The following SIL1 variants were observed in gnomAD, a reference collection of about 807,000 sequenced individuals.
The protein encoded by SIL1 is SIL1 nucleotide exchange factor, also known as nucleotide exchange factor SIL1.
In SIL1, 40 loss-of-function variants were observed where a neutral mutation model predicts 49.1. That is an observed-to-expected ratio of 0.81 (90% CI 0.63 to 1.06). SIL1 has a LOEUF of 1.06. Ranked by LOEUF, SIL1 falls within the 50% of genes least tolerant of loss-of-function variation. SIL1 has a pLI of 0.00. For synonymous variants in SIL1, 253 were observed against 250.8 expected, an observed-to-expected ratio of 1.01 and a Z score of -0.08; for missense variants, 500 against 572.6, an observed-to-expected ratio of 0.87 and a Z score of 1.29.
chr5:138,993,082 G>A (rs1767791362), intron 7 of SIL1, among the ~76,000 whole-genome samples: 2 of 152,094 alleles, frequency 1.3e-5, no homozygotes, highest in African/African-American at 2.4e-5. Context: ...TATATTTCTC[G>A]GCCTCCTTTG....
intron 7 of SIL1, chr5:139,016,858 T>TC (rs1163663274): frequency 6.6e-6 from 1 of 152,154 alleles, no homozygotes; most frequent in Non-Finnish European, 1.5e-5. Context: ...TCTTTTTTTT[T>TC]TCCCCCCTGA....
At chr5:139,173,875 C>T (rs887159445) in intron 1 of SIL1, among the ~76,000 whole-genome samples, 3 of 149,644 alleles carry the variant, frequency 2.0e-5, no homozygotes, top group Non-Finnish European at 3.0e-5. Context: ...AGGAGAATGA[C>T]GTGAACCCAG....
At chr5:139,006,611 T>A (rs1391412322) in intron 7 of SIL1, among the ~76,000 whole-genome samples, 1 of 152,096 alleles carries the variant, frequency 6.6e-6, no homozygotes, top group Non-Finnish European at 1.5e-5. Context: ...TCTTTTTTTT[T>A]AATCCATCTT....
chr5:139,096,087 C>A (rs759950199), intron 3 of SIL1, among the ~76,000 whole-genome samples: 2 of 152,144 alleles, frequency 1.3e-5, no homozygotes, highest in East Asian at 1.9e-4. Context: ...GCCCACCCCC[C>A]CAACAGTGGC....
At chr5:139,104,058 G>C (rs1458364443) in intron 3 of SIL1, among the ~76,000 whole-genome samples, 2 of 152,196 alleles carry the variant, frequency 1.3e-5, no homozygotes, top group Non-Finnish European at 2.9e-5. Flanking sequence ...CTATTGGCTA[G>C]GTTAAAAAGA....
chr5:139,189,581 G>A (rs1478033441), intron 1 of SIL1, among the ~76,000 whole-genome samples: 2 of 152,182 alleles, frequency 1.3e-5, no homozygotes. Context: ...CAGCATTTTG[G>A]GAGGTCCAGG....
At chr5:139,133,644 G>C (rs945418531) in intron 1 of SIL1, among the ~76,000 whole-genome samples, 9 of 152,238 alleles carry the variant, frequency 5.9e-5, no homozygotes, top group Admixed American at 6.5e-5. Context: ...TTCAGGACCA[G>C]AGCACAGAAA....
intron 7 of SIL1, among the ~76,000 whole-genome samples, chr5:138,973,151 ATGTAACAAACC>A (rs1349483800): frequency 1.3e-5 from 2 of 149,190 alleles, no homozygotes; most frequent in Non-Finnish European, 3.0e-5. Context: ...TGTGTAACAT[ATGTAACAAACC>A]TGCGCGTTGT....
Position 139,143,614 on chromosome 5 carries a change from C to T in SIL1, c.-10-15761G>A, listed in dbSNP as rs374142405. On this transcript the variant is annotated intron_variant, in intron 1 of 9. Transcript: ENST00000394817. ...CTCGAACTCCTGACCTCAGGCAATC[C>T]GCCCACCTTAGCCTCCCAAAGCTCT... is the stretch of plus-strand genomic sequence containing the variant. Among the ~76,000 whole-genome samples, 14 of 152,086 alleles carry T rather than the reference C, an allele frequency of 9.2e-5. No homozygotes were observed. In the East Asian group the frequency reaches 2.1e-3, roughly 23 times the overall value.
chr5:139,018,470 G>C (rs532342339), intron 7 of SIL1, among the ~76,000 whole-genome samples: 18 of 151,496 alleles, frequency 1.2e-4, no homozygotes, highest in Non-Finnish European at 2.2e-4. Flanking sequence ...CGTACCTGTA[G>C]TCCCAGCTAC....
intron 3 of SIL1, among the ~76,000 whole-genome samples, chr5:139,080,578 C>T (rs1249098618): frequency 6.6e-6 from 1 of 152,202 alleles, no homozygotes; most frequent in Non-Finnish European, 1.5e-5. Flanking sequence ...CTTGTATGTC[C>T]TCAAATTTTG....
chr5:139,147,146 C>T (rs898038274), intron 1 of SIL1, among the ~76,000 whole-genome samples: 4 of 152,186 alleles, frequency 2.6e-5, no homozygotes, highest in African/African-American at 7.2e-5. Flanking sequence ...CTTGCCCTGG[C>T]AGGAGTATAG....
At chr5:139,188,990 C>A (rs998277716) in intron 1 of SIL1, among the ~76,000 whole-genome samples, 1 of 152,290 alleles carries the variant, frequency 6.6e-6, no homozygotes, top group East Asian at 1.9e-4. Context: ...GCATGAAATA[C>A]CTATAACTAT....
At chr5:139,108,959 C>G (rs979072920) in intron 3 of SIL1, among the ~76,000 whole-genome samples, 2 of 152,032 alleles carry the variant, frequency 1.3e-5, no homozygotes, top group Admixed American at 1.3e-4. Flanking sequence ...CCAAGACTTT[C>G]ATTGATATGC....
At chr5:139,050,832 A>G in intron 4 of SIL1, 106 bp downstream of exon 4, 1 of 925,964 alleles carries the variant, frequency 1.1e-6, no homozygotes, top group South Asian at 1.4e-5. Context: ...ATGCTATTAA[A>G]TTTCAAATTA....
Position 139,042,610 on chromosome 5 carries a change from A to C in SIL1, c.453+10T>G. The C allele has an allele frequency of 6.2e-7, 1 of 1,613,200 alleles. No homozygotes were observed. The highest frequency in any genetic ancestry group is 8.5e-7 in the Non-Finnish European group (1 of 1,179,112). On this transcript the variant is annotated intron_variant, in intron 5 of 9. Coordinates refer to ENST00000394817, the MANE Select transcript of SIL1 (RefSeq NM_022464.5). ...GCAGGCTTATACTCACAGGAAAAAT[A>C]ATCACACACCTTGTCTTCCTTTGAA... is the stretch of plus-strand genomic sequence containing the variant.
At chr5:139,035,376 C>T (rs574999128) in intron 5 of SIL1, 1 of 537,232 alleles carries the variant, frequency 1.9e-6, no homozygotes, top group South Asian at 1.4e-5. Context: ...CTTTCTGTCC[C>T]TTGGCAGTTC....
intron 1 of SIL1, among the ~76,000 whole-genome samples, chr5:139,189,912 A>G (rs893024097): frequency 1.3e-5 from 2 of 152,196 alleles, no homozygotes; most frequent in African/African-American, 4.8e-5. Context: ...GTCCATGGAA[A>G]AATAGTCTTC....
At chr5:139,192,074 C>CAAAAAAAAAAAAAAAAAAAAAAAAAAA (rs10700186) in intron 1 of SIL1, among the ~76,000 whole-genome samples, 1 of 67,218 alleles carries the variant, frequency 1.5e-5, no homozygotes. Context: ...GATGCTGTCT[C>CAAAAAAAAAAAAAAAAAAAAAAAAAAA]AAAAAAAAAA....
Sources: gnomAD v4.1 joint callset for allele counts (sites outside exome capture counted in the v4.1 genomes callset) on GRCh38, gnomAD v4.1.1 for gene constraint, MANE v1.5 for transcripts, NCBI Gene and HGNC (gene_info 2026-07-23, HGNC 2026-07-21) for gene names.